The following SLC27A2 variants were observed in gnomAD, a reference collection of about 807,000 sequenced individuals.
The protein encoded by SLC27A2 is long-chain fatty acid transport protein 2.
Under a neutral mutation model 60.0 loss-of-function variants are expected in SLC27A2, and 54 were observed. That is an observed-to-expected ratio of 0.90 (90% CI 0.72 to 1.13). The LOEUF is 1.13. Among genes scored for constraint, SLC27A2 ranks in the 50% most tolerant of loss-of-function variants. The pLI is 0.00. For synonymous variants in SLC27A2, 297 were observed against 297.6 expected, an observed-to-expected ratio of 1.00 and a Z score of 0.02; for missense variants, 739 against 777.6, an observed-to-expected ratio of 0.95 and a Z score of 0.59.
intron 2 of SLC27A2, among the ~76,000 whole-genome samples, chr15:50,199,072 G>C (rs1374267513): frequency 6.6e-6 from 1 of 151,608 alleles, no homozygotes; most frequent in Non-Finnish European, 1.5e-5. Flanking sequence ...AGAAAGGTGA[G>C]ATGGCACAAT....
intron 1 of SLC27A2, among the ~76,000 whole-genome samples, chr15:50,196,510 T>C (rs2555489): frequency 0.85 from 129,948 of 152,082 alleles, 56,146 homozygotes; most frequent in East Asian, 0.95. Context: ...ATGAGTACTA[T>C]TTTTATTCCA....
intron 2 of SLC27A2, among the ~76,000 whole-genome samples, chr15:50,199,982 T>C (rs150044186): frequency 6.6e-6 from 1 of 152,352 alleles, no homozygotes; most frequent in East Asian, 1.9e-4. Flanking sequence ...GTTTAAACAG[T>C]TGGAGAATAA....
At chr15:50,196,010 C>T (rs369903970) in intron 1 of SLC27A2, among the ~76,000 whole-genome samples, 7 of 133,560 alleles carry the variant, frequency 5.2e-5, no homozygotes, top group East Asian at 4.6e-4. Flanking sequence ...GCCAAGATCG[C>T]GCCACTGCAC....
intron 2 of SLC27A2, 91 bp from the exon 3 acceptor site, chr15:50,202,396 G>A (rs1469689112): frequency 3.8e-6 from 5 of 1,317,364 alleles, no homozygotes; most frequent in East Asian, 2.3e-5. Context: ...TCAAAATACA[G>A]GGTGATGAAT....
At chr15:50,212,069 TCA>T (rs2045161420) in intron 4 of SLC27A2, among the ~76,000 whole-genome samples, 1 of 56,528 alleles carries the variant, frequency 1.8e-5, no homozygotes. Flanking sequence ...AGACTCTGTC[TCA>T]AAAAAAAAAA....
chr15:50,195,311 G>GAA (rs745744454), intron 1 of SLC27A2, among the ~76,000 whole-genome samples: 3,180 of 110,494 alleles, frequency 0.029, 138 homozygotes, highest in African/African-American at 0.098. Flanking sequence ...CTAAAAATAT[G>GAA]AAAAAAAAAA....
At position 50,202,660 on chromosome 15, in the gene SLC27A2, C is replaced by T. The variant is rs1408622696; in HGVS notation, c.847+15C>T. Reference sequence around the variant, plus strand: ...TATTGTGGCTGGTAAGCTTTTTCTACAAAATGTTGGAGGCGAGTGCACATT... The same window carrying T: ...TATTGTGGCTGGTAAGCTTTTTCTATAAAATGTTGGAGGCGAGTGCACATT... On this transcript the variant is annotated intron_variant, in intron 3 of 9. Transcript: ENST00000267842. 6.2e-7 allele frequency: 1 copy of T among 1,609,690 alleles called. No homozygotes were observed. Among genetic ancestry groups the T allele is most frequent in the Non-Finnish European group, 8.5e-7 (1 of 1,176,352 alleles).
chr15:50,184,842 A>C (rs28576105), intron 1 of SLC27A2, among the ~76,000 whole-genome samples: 3 of 152,236 alleles, frequency 2.0e-5, no homozygotes, highest in African/African-American at 7.2e-5. Context: ...ATCTCAAAAA[A>C]CAGAATAAAA....
At chr15:50,230,166 G>A (rs1277429800) in intron 8 of SLC27A2, among the ~76,000 whole-genome samples, 8 of 151,182 alleles carry the variant, frequency 5.3e-5, no homozygotes, top group African/African-American at 1.2e-4. Flanking sequence ...CCAGGGAGTC[G>A]GAGGTTGCAG....
chr15:50,229,426 G>A (rs2045300839), intron 8 of SLC27A2, among the ~76,000 whole-genome samples: 1 of 152,172 alleles, frequency 6.6e-6, no homozygotes. Flanking sequence ...AAAAAGCTGG[G>A]GAAAAGTGGA....
intron 2 of SLC27A2, among the ~76,000 whole-genome samples, chr15:50,201,465 A>G (rs1005254756): frequency 2.6e-5 from 4 of 152,236 alleles, no homozygotes; most frequent in African/African-American, 9.6e-5. Context: ...ATAAATGAAT[A>G]AATAAGGGAA....
intron 4 of SLC27A2, 75 bp downstream of exon 4, chr15:50,205,438 G>A (rs1300316688): frequency 6.9e-7 from 1 of 1,453,064 alleles, no homozygotes; most frequent in African/African-American, 1.4e-5. Flanking sequence ...GTTGTGCTAG[G>A]CTTCAACTGA....
intron 8 of SLC27A2, among the ~76,000 whole-genome samples, chr15:50,232,906 G>A (rs1170416570): frequency 6.6e-6 from 1 of 152,118 alleles, no homozygotes; most frequent in Non-Finnish European, 1.5e-5. Flanking sequence ...CGAAAGCTGG[G>A]GCCCAGGTAA....
chr15:50,205,327 C>G lies in SLC27A2; in HGVS notation c.936C>G (p.Ile312Met), dbSNP rs775298038. The change falls in exon 4 of 10, where the codon ATC (isoleucine) becomes ATG (methionine). Residue 312 changes from isoleucine to methionine, a missense_variant. Coordinates refer to ENST00000267842, the MANE Select transcript of SLC27A2 (RefSeq NM_003645.4). The part of the protein sequence containing the change: ...RKYNVTVIQY[I>M]GELLRYLCNS... The stretch of plus-strand genomic sequence containing the variant: ...ACAACGTCACTGTCATTCAGTATAT[C>G]GGTGAACTGCTTCGGTATTTATGCA... 6.2e-7 allele frequency: 1 copy of G among 1,609,260 alleles called. No individual in the cohort carries two copies. The highest frequency in any genetic ancestry group is 8.5e-7 in the Non-Finnish European group (1 of 1,176,992).
chr15:50,234,887 C>G (rs1210671957), intron 9 of SLC27A2, among the ~76,000 whole-genome samples: 1 of 152,196 alleles, frequency 6.6e-6, no homozygotes, highest in African/African-American at 2.4e-5. Context: ...TGAGTCCTGA[C>G]AGATAGCGCA....
intron 4 of SLC27A2, among the ~76,000 whole-genome samples, chr15:50,206,217 C>T (rs2140904126): frequency 6.6e-6 from 1 of 152,214 alleles, no homozygotes; most frequent in South Asian, 2.1e-4. Flanking sequence ...CAGTAGTAAC[C>T]TCCCCACCTC....
At chr15:50,193,312 G>C (rs2044989386) in intron 1 of SLC27A2, among the ~76,000 whole-genome samples, 1 of 152,122 alleles carries the variant, frequency 6.6e-6, no homozygotes, top group Non-Finnish European at 1.5e-5. Context: ...TTTGATTTTT[G>C]TTTGTTTGTT....
At chr15:50,218,619 CA>C (rs1432318194) in intron 4 of SLC27A2, among the ~76,000 whole-genome samples, 1 of 152,050 alleles carries the variant, frequency 6.6e-6, no homozygotes, top group African/African-American at 2.4e-5. Flanking sequence ...AATTATTGCC[CA>C]TCTAGAATTC....
At chr15:50,220,173 A>C in intron 4 of SLC27A2, among the ~76,000 whole-genome samples, 1 of 152,220 alleles carries the variant, frequency 6.6e-6, no homozygotes. Context: ...TTATGAGCTC[A>C]GCTACCTGCT....
Sources: allele counts gnomAD v4.1 joint callset (sites outside exome capture counted in the v4.1 genomes callset), GRCh38; gene constraint gnomAD v4.1.1; transcripts MANE v1.5; gene names NCBI Gene and HGNC (gene_info 2026-07-23, HGNC 2026-07-21).